The following CCND3 variants were observed in gnomAD, a reference collection of about 807,000 sequenced individuals.
The protein encoded by CCND3 is G1/S-specific cyclin-D3.
A neutral mutation model predicts 28.7 loss-of-function variants in CCND3; 9 were observed. The ratio of observed to expected loss-of-function variants is 0.31; its 90% confidence interval spans 0.19 to 0.55. The LOEUF (loss-of-function observed/expected upper bound fraction) is 0.55, where lower values mean the gene tolerates loss of function less well. Among genes scored for constraint, CCND3 ranks in the 20% least tolerant of loss-of-function variants. The pLI is 0.93. For synonymous variants in CCND3, 164 were observed against 163.9 expected (o/e 1.00, Z 0.00); for missense variants, 315 against 385.8 (o/e 0.82, Z 1.54).
In CCND3 at chr6:42,009,098, A is replaced by G. The variant is rs116932806; in HGVS notation, c.-46+39403T>C. On this transcript the variant is annotated intron_variant, in intron 1 of 4. Transcript: ENST00000372988. ...AAGGGTTGTGATTAGAGCCTGAGTG[A>G]TAAGGGTCACTACTGGGGGCTCAAC... Among the ~76,000 whole-genome samples the G allele has an allele frequency of 1.5e-3, 232 of 152,292 alleles. 3 individuals are homozygous for G. In the East Asian group the frequency reaches 0.017, roughly 11 times the overall value.
chr6:42,001,191 C>T (rs1462711354), intron 1 of CCND3, among the ~76,000 whole-genome samples: 2 of 131,404 alleles, frequency 1.5e-5, no homozygotes, highest in African/African-American at 6.1e-5. Flanking sequence ...GCCCAGATCA[C>T]GCCACTGCAC....
upstream of CCND3, among the ~76,000 whole-genome samples, chr6:41,945,560 G>T (rs1382864699): frequency 1.3e-5 from 2 of 152,160 alleles, no homozygotes; most frequent in Non-Finnish European, 2.9e-5. Context: ...TGAACAAGGT[G>T]ATGGGTGAGG....
chr6:42,001,802 T>A (rs1349023239), intron 1 of CCND3, among the ~76,000 whole-genome samples: 1 of 152,052 alleles, frequency 6.6e-6, no homozygotes, highest in Admixed American at 6.6e-5. Context: ...GCAACATGGA[T>A]GTGAATGTTT....
chr6:42,016,910 C>G (rs79695329), intron 1 of CCND3, among the ~76,000 whole-genome samples: 4,248 of 152,256 alleles, frequency 0.028, 70 homozygotes, highest in Middle Eastern at 0.054. Flanking sequence ...TTCCAAAGTT[C>G]ACACTCTCAA....
At chr6:42,009,107 A>G (rs1561984812) in intron 1 of CCND3, among the ~76,000 whole-genome samples, 1 of 152,190 alleles carries the variant, frequency 6.6e-6, no homozygotes, top group Non-Finnish European at 1.5e-5. Flanking sequence ...GATAAGGGTC[A>G]CTACTGGGGG....
intron 1 of CCND3, among the ~76,000 whole-genome samples, chr6:41,962,352 G>T (rs956067671): frequency 1.3e-5 from 2 of 151,614 alleles, no homozygotes; most frequent in African/African-American, 4.8e-5. Context: ...CACCTGCCTC[G>T]GCCTCGCAAA....
chr6:41,952,108 T>C (rs1489639277), intron 1 of CCND3, among the ~76,000 whole-genome samples: 1 of 152,168 alleles, frequency 6.6e-6, no homozygotes, highest in East Asian at 1.9e-4. Context: ...CACTGAGAGC[T>C]GTACCACACC....
At chr6:42,027,824 G>A (rs1006953380) in intron 1 of CCND3, among the ~76,000 whole-genome samples, 7 of 151,774 alleles carry the variant, frequency 4.6e-5, no homozygotes, top group African/African-American at 9.7e-5. Context: ...CTCAGCTCAC[G>A]GCAACCTCCG....
chr6:42,044,185 G>A lies in CCND3; in HGVS notation c.-46+4316C>T, dbSNP rs73733077. Among the ~76,000 whole-genome samples, 1,005 of 152,386 alleles carry A rather than the reference G, an allele frequency of 6.6e-3. 10 individuals are homozygous for A. The highest frequency in any genetic ancestry group is 0.023 in the African/African-American group (957 of 41,596). The stretch of plus-strand genomic sequence containing the variant: ...ATGCCGCAGAGGCGGAGGCCTGCAC[G>A]TTCTGGCCGGAGCCTGGACAAGACA... On this transcript the variant is annotated intron_variant, in intron 1 of 4. Transcript: ENST00000372988.
At chr6:41,990,146 T>C (rs1362821712) in intron 1 of CCND3, among the ~76,000 whole-genome samples, 1 of 152,020 alleles carries the variant, frequency 6.6e-6, no homozygotes, top group Non-Finnish European at 1.5e-5. Flanking sequence ...AGTGTTTCTA[T>C]ACATGAACAA....
At position 41,939,321 on chromosome 6, in the gene CCND3, C is replaced by A. The variant is rs888013974; in HGVS notation, c.414+1049G>T. On this transcript the variant is annotated intron_variant, in intron 2 of 4. Coordinates refer to ENST00000372991, the MANE Select transcript of CCND3 (RefSeq NM_001760.5). This position sits in a 1 kb window ranked among gnomAD's most constrained non-coding sequence, Gnocchi z 4.2. ...CCCTGGGAGATGGGGCCCAGAGACT[C>A]CTCTCAGGGTCAGCAGAAGACTTGG... 3.3e-5 allele frequency among the ~76,000 whole-genome samples: 5 copies of A among 152,122 alleles called. No individual in the cohort carries two copies. The highest frequency in any genetic ancestry group is 4.8e-5 in the African/African-American group (2 of 41,434).
chr6:41,992,657 C>A (rs1050687558), intron 1 of CCND3, among the ~76,000 whole-genome samples: 24 of 152,036 alleles, frequency 1.6e-4, no homozygotes, highest in African/African-American at 5.3e-4. Context: ...CCATGTTGGC[C>A]AGGCTGGTCT....
At chr6:41,989,475 A>C (rs1386047081) in intron 1 of CCND3, among the ~76,000 whole-genome samples, 1 of 151,334 alleles carries the variant, frequency 6.6e-6, no homozygotes, top group South Asian at 2.1e-4. Context: ...AACAAAAAAA[A>C]AAAACAGAAA....
At position 41,936,616 on chromosome 6, in the gene CCND3, G is replaced by T; in HGVS notation, c.654C>A (p.Cys218Ter). 1.9e-6 allele frequency: 3 copies of T among 1,614,224 alleles called. No individual in the cohort carries two copies. The highest frequency in any genetic ancestry group is 2.5e-6 in the Non-Finnish European group (3 of 1,180,030). ...CTGTGAGCTCATCCCCGGACATGGA[G>T]CAGGCACCCAGGCCTTGCACTGCAG... The part of the protein sequence containing the change: ...IGAAVQGLGA[C>*]SMSGDELTEL... The change falls in exon 4 of 5, where the codon TGC (cysteine) becomes TGA (stop). Residue 218 changes from cysteine to a stop codon, truncating the protein, a stop_gained. Transcript: ENST00000372991. LOFTEE classifies it high-confidence loss of function. The surrounding 1 kb of genome is among the most constrained non-coding windows in gnomAD (Gnocchi z 4.4).
intron 1 of CCND3, among the ~76,000 whole-genome samples, chr6:42,005,261 G>A (rs568409750): frequency 6.6e-6 from 1 of 152,224 alleles, no homozygotes; most frequent in South Asian, 2.1e-4. Context: ...AATTACTGGG[G>A]CGAGGTGTGG....
chr6:42,019,177 T>C (rs1763622527), intron 1 of CCND3, among the ~76,000 whole-genome samples: 1 of 151,844 alleles, frequency 6.6e-6, no homozygotes. Flanking sequence ...TCACATAGCA[T>C]AAAAAATGTA....
chr6:41,996,123 A>ATATT lies in CCND3; in HGVS notation c.-46+52377_-46+52378insAATA, dbSNP rs1554164470. Among the ~76,000 whole-genome samples, 600 of 96,956 alleles carry ATATT rather than the reference A, an allele frequency of 6.2e-3. 1 individual carries two copies. Among genetic ancestry groups the ATATT allele is most frequent in the Admixed American group, 9.7e-3 (81 of 8,352 alleles). 63.6% of individuals were successfully genotyped at this position (96,956 alleles called of 152,430 possible). A position where few individuals can be genotyped will look rare whatever the true frequency, so the allele number is the denominator to read the frequency against. ...AATCTGCTCTCATATATATATATATAATATATATATATATATTTTTTTTGT... is the reference window on the plus strand; with the variant it reads ...AATCTGCTCTCATATATATATATATATATTATATATATATATATATTTTTTTTGT... On this transcript the variant is annotated intron_variant, in intron 1 of 4. Transcript: ENST00000372988.
intron 1 of CCND3, among the ~76,000 whole-genome samples, chr6:41,964,536 A>G (rs114574826): frequency 0.021 from 3,264 of 152,098 alleles, 115 homozygotes; most frequent in African/African-American, 0.072. Context: ...GTGTGCATGC[A>G]CATGCACACA....
chr6:41,988,829 G>T (rs1762566457), intron 1 of CCND3, among the ~76,000 whole-genome samples: 1 of 149,990 alleles, frequency 6.7e-6, no homozygotes, highest in Non-Finnish European at 1.5e-5. Flanking sequence ...CTCCCGAATA[G>T]CTGGGACTAC....
Sources: gnomAD v4.1 joint callset for allele counts (sites outside exome capture counted in the v4.1 genomes callset) on GRCh38, gnomAD v4.1.1 for gene constraint, Gnocchi (gnomAD v3.1) non-coding constraint, MANE v1.5 for transcripts, NCBI Gene and HGNC (gene_info 2026-07-23, HGNC 2026-07-21) for gene names.